ZNF778: variants seen among roughly 807,000 people sequenced by gnomAD.
ZNF778 encodes zinc finger protein 778.
ZNF778 carries 37 observed loss-of-function variants against 23.9 expected under a neutral mutation model. The observed-to-expected ratio is 1.54, with a 90% CI of 1.19 to 2.03. The LOEUF (loss-of-function observed/expected upper bound fraction) is 2.03, where lower values mean the gene tolerates loss of function less well. ZNF778 is among the 30% of genes most tolerant of loss of function. The pLI is 0.00. For synonymous variants in ZNF778, 483 were observed against 343.9 expected, an observed-to-expected ratio of 1.40 and a Z score of -4.48; for missense variants, 1,297 against 934.4, an observed-to-expected ratio of 1.39 and a Z score of -5.06.
At chr16:89,223,068 C>G (rs1045235437) in intron 3 of ZNF778, 89 bp from the exon 4 acceptor site, 3 of 1,485,010 alleles carry the variant, frequency 2.0e-6, no homozygotes, top group African/African-American at 2.8e-5. Context: ...GCCTCACAGT[C>G]CCATAGGCGT....
Position 89,224,775 on chromosome 16 carries a change from A to G in ZNF778, c.301A>G (p.Arg101Gly). Residue 101 changes from arginine to glycine, a missense_variant, in exon 5 of 7, where the codon AGG becomes GGG. Arg to Gly is a moderately radical substitution (Grantham distance 125). Coordinates refer to ENST00000433976, the MANE Select transcript of ZNF778 (RefSeq NM_001201407.2). ...TTGGCTGGAGCAGGAAGAGGAGTTGAGGGCAGGGCGGAGAGCAGTTCTCCA... is the reference window on the plus strand; with the variant it reads ...TTGGCTGGAGCAGGAAGAGGAGTTGGGGGCAGGGCGGAGAGCAGTTCTCCA... ...IYWLEQEEEL[R>G]AGRRAVLQEW... is the part of the protein sequence containing the mutation. The G allele has an allele frequency of 6.6e-7, 1 of 1,521,960 alleles. No individual in the cohort carries two copies. The highest frequency in any genetic ancestry group is 8.8e-7 in the Non-Finnish European group (1 of 1,141,730). The allele number at this position is 1,521,960 out of a possible 1,614,324, so 94.3% of individuals were successfully genotyped here.
rs983255469 is a variant in ZNF778, at chr16:89,225,742, G to C, written c.405+111G>C. The C allele has an allele frequency of 1.8e-5, 18 of 988,740 alleles. No individual in the cohort carries two copies. The African/African-American group carries it at 3.0e-4, about 16-fold the overall frequency. 61.2% of individuals were successfully genotyped at this position (988,740 alleles called of 1,614,324 possible). A position where few individuals can be genotyped will look rare whatever the true frequency, so the allele number is the denominator to read the frequency against. On this transcript the variant is annotated intron_variant, in intron 6 of 6. Transcript: ENST00000433976. The stretch of plus-strand genomic sequence containing the variant: ...AATTTAGAGAAGCAGGATTCACTCA[G>C]GCAGGGGTTGTCTGTAGAGAACACT...
In ZNF778 at chr16:89,233,807, C is replaced by CGTATGCAACTCAGCTCGCACTGT. The variant is rs1567516948; in HGVS notation, c.*5257_*5258insGCTCGCACTGTGTATGCAACTCA. On this transcript the variant is annotated 3_prime_UTR_variant, in exon 7 of 7. Coordinates refer to ENST00000433976, the MANE Select transcript of ZNF778 (RefSeq NM_001201407.2). Reference sequence around the variant, plus strand: ...TGCGTATGCAACTCAGCTCGCACTGCGTATGCAACTCAACTGTTGCAAGTA... The same window carrying CGTATGCAACTCAGCTCGCACTGT: ...TGCGTATGCAACTCAGCTCGCACTGCGTATGCAACTCAGCTCGCACTGTGTATGCAACTCAACTGTTGCAAGTA... The CGTATGCAACTCAGCTCGCACTGT allele has an allele frequency of 3.1e-6, 4 of 1,291,142 alleles. No individual in the cohort carries two copies. The highest frequency in any genetic ancestry group is 1.0e-6 in the Non-Finnish European group (1 of 990,000). 80.0% of individuals were successfully genotyped at this position (1,291,142 alleles called of 1,614,324 possible).
intron 2 of ZNF778, among the ~76,000 whole-genome samples, 173 bp from the exon 3 acceptor site, chr16:89,221,919 T>C (rs764913232): frequency 1.3e-4 from 20 of 151,930 alleles, no homozygotes; most frequent in Non-Finnish European, 5.9e-5. Context: ...TTCCTGAGTG[T>C]GCAGGTGTAT....
At chr16:89,223,476 C>T (rs1208991896) in intron 4 of ZNF778, among the ~76,000 whole-genome samples, 193 bp downstream of exon 4, 1 of 152,152 alleles carries the variant, frequency 6.6e-6, no homozygotes, top group East Asian at 1.9e-4. Context: ...ACCGTCACTC[C>T]TCTAGAAACA....
In ZNF778 at chr16:89,235,892, C is replaced by T. The variant is rs2032220367; in HGVS notation, c.*7330C>T. On this transcript the variant is annotated 3_prime_UTR_variant, in exon 7 of 7. Transcript: ENST00000433976. Reference sequence around the variant, plus strand: ...ACCAAGCCCAGGCCGGGGGCGGTGGCTCACACCTGTAATCCCAGCACTTTG... The same window carrying T: ...ACCAAGCCCAGGCCGGGGGCGGTGGTTCACACCTGTAATCCCAGCACTTTG... 1 of 151,468 alleles carries T rather than the reference C, an allele frequency of 6.6e-6. No homozygotes were observed. The highest frequency in any genetic ancestry group is 6.6e-5 in the Admixed American group (1 of 15,204). The allele number at this position is 151,468 out of a possible 1,614,324, so 9.4% of individuals were successfully genotyped here. A position where few individuals can be genotyped will look rare whatever the true frequency, so the allele number is the denominator to read the frequency against.
At chr16:89,224,690 T>G (rs1287664458) in intron 4 of ZNF778, 29 bp from the exon 5 acceptor site, 1 of 1,502,686 alleles carries the variant, frequency 6.7e-7, no homozygotes, top group South Asian at 1.2e-5. Flanking sequence ...CTGAGCCTCT[T>G]CCATCGATGT....
At position 89,228,620 on chromosome 16, in the gene ZNF778, C is replaced by G; in HGVS notation, c.*58C>G. 1 of 1,522,584 alleles carries G rather than the reference C, an allele frequency of 6.6e-7. No homozygotes were observed. The highest frequency in any genetic ancestry group is 8.8e-7 in the Non-Finnish European group (1 of 1,141,764). 94.3% of individuals were successfully genotyped at this position (1,522,584 alleles called of 1,614,324 possible). A position where few individuals can be genotyped will look rare whatever the true frequency, so the allele number is the denominator to read the frequency against. On this transcript the variant is annotated 3_prime_UTR_variant, in exon 7 of 7. Coordinates refer to ENST00000433976, the MANE Select transcript of ZNF778 (RefSeq NM_001201407.2). Reference sequence around the variant, plus strand: ...TCATTCACGTTGAAGACATGAAAGACCTCTCGTTCTCCAGATGTCCATGAC... The same window carrying G: ...TCATTCACGTTGAAGACATGAAAGAGCTCTCGTTCTCCAGATGTCCATGAC...
rs190965111 is a variant in ZNF778 at position 89,226,613 on chromosome 16, G to A, written c.406-81G>A. 213 of 1,280,086 alleles carry A rather than the reference G, an allele frequency of 1.7e-4. No individual in the cohort carries two copies. The East Asian group carries it at 3.0e-3, about 18-fold the overall frequency. The allele number at this position is 1,280,086 out of a possible 1,614,324, so 79.3% of individuals were successfully genotyped here. Reference sequence around the variant, plus strand: ...AATGGCAAAAATCGTAATCATCATCGTCATGCTCTGTCTTCAGCTGGGTGA... The same window carrying A: ...AATGGCAAAAATCGTAATCATCATCATCATGCTCTGTCTTCAGCTGGGTGA... On this transcript the variant is annotated intron_variant, in intron 6 of 6. Transcript: ENST00000433976.
chr16:89,221,138 C>G lies in ZNF778; in HGVS notation c.11C>G (p.Pro4Arg), dbSNP rs1171206220. Residue 4 changes from proline to arginine, a missense_variant, in exon 2 of 7, where the codon CCT (proline) becomes CGT (arginine). Pro to Arg is a moderately radical substitution (Grantham distance 103). Transcript: ENST00000433976. MAA[P>R]DLAHGGHVSR... ...CGTCAGCCTCCCAGGATGGCAGCCC[C>G]TGACCTGGCCCACGGTAAGTCCTGG... The G allele has an allele frequency of 4.5e-6, 7 of 1,566,890 alleles. No homozygotes were observed. The highest frequency in any genetic ancestry group is 5.2e-6 in the Non-Finnish European group (6 of 1,155,514).
chr16:89,224,570 G>T (rs969960217), intron 4 of ZNF778, 149 bp from the exon 5 acceptor site: 1 of 569,194 alleles, frequency 1.8e-6, no homozygotes, highest in Non-Finnish European at 3.2e-6. Context: ...AGTGAGCCGA[G>T]ATTGCACCAC....
In ZNF778 at chr16:89,230,131, C is replaced by T. The variant is rs117211912; in HGVS notation, c.*1569C>T. The T allele has an allele frequency of 0.015, 10,681 of 690,596 alleles. 99 individuals are homozygous for T. The highest frequency in any genetic ancestry group is 0.017 in the Non-Finnish European group (9,806 of 562,050). 42.8% of individuals were successfully genotyped at this position (690,596 alleles called of 1,614,324 possible). ...GGTCCCACACTGGCCAATGTTGGGG[C>T]ATAACACAGCTCTACATTTTATGAA... is the stretch of plus-strand genomic sequence containing the variant. On this transcript the variant is annotated 3_prime_UTR_variant, in exon 7 of 7. Transcript: ENST00000433976.
chr16:89,224,880 ATGGAAGGATTGTGTCAAGTTAAGCG>A, intron 5 of ZNF778, 78 bp downstream of exon 5: 7 of 1,047,028 alleles, frequency 6.7e-6, no homozygotes, highest in Non-Finnish European at 9.9e-6. Flanking sequence ...TTTAGCGGCT[ATGGAAGGATTGTGTCAAGTTAAGCG>A]GCTGTGGGAG....
rs565846375 is a variant in ZNF778 at position 89,229,160 on chromosome 16, C to G, written c.*598C>G. ...GTTGCTACAGTGTCCACGTCGCAGC[C>G]TGGCTAACAGTAGGCCTTGAGGACT... On this transcript the variant is annotated 3_prime_UTR_variant, in exon 7 of 7. Coordinates refer to ENST00000433976, the MANE Select transcript of ZNF778 (RefSeq NM_001201407.2). 9 of 986,024 alleles carry G rather than the reference C, an allele frequency of 9.1e-6. No individual in the cohort carries two copies. The South Asian group carries it at 3.3e-4, about 36-fold the overall frequency. 61.1% of individuals were successfully genotyped at this position (986,024 alleles called of 1,614,324 possible).
intron 5 of ZNF778, 138 bp downstream of exon 5, chr16:89,224,940 C>T: frequency 6.5e-6 from 4 of 611,404 alleles, no homozygotes; most frequent in East Asian, 3.1e-5. Flanking sequence ...AGTTTAGCGG[C>T]TGTGGAAGAA....
intron 3 of ZNF778, among the ~76,000 whole-genome samples, chr16:89,222,872 G>C (rs970962978): frequency 6.6e-5 from 10 of 151,564 alleles, no homozygotes; most frequent in African/African-American, 2.4e-4. Flanking sequence ...TCACATGTTA[G>C]AGGTGTCGTT....
intron 6 of ZNF778, 102 bp from the exon 7 acceptor site, chr16:89,226,592 G>A: frequency 1.8e-6 from 2 of 1,084,862 alleles, no homozygotes; most frequent in East Asian, 2.6e-5. Context: ...TATGAAAATG[G>A]CAAAAATCGT....
Position 89,227,384 on chromosome 16 carries a change from GA to G in ZNF778, c.1098del (p.Glu366AspfsTer15). On this transcript the variant is annotated frameshift_variant, in exon 7 of 7. Transcript: ENST00000433976. LOFTEE classifies it low-confidence loss of function (END_TRUNC). ...AACAGACCCTGGACAGAAGCCCTAT[GA>G]ATGTAAGGACTGTGGGAAAGCCTGC... is the stretch of plus-strand genomic sequence containing the variant. ...VQTDPGQKPYECKDCGKACGG... is the reference protein window; with the variant it reads ...VQTDPGQKPYXCKDCGKACGG... 1 of 1,613,984 alleles carries G rather than the reference GA, an allele frequency of 6.2e-7. No individual in the cohort carries two copies. The highest frequency in any genetic ancestry group is 8.5e-7 in the Non-Finnish European group (1 of 1,179,876).
intron 3 of ZNF778, among the ~76,000 whole-genome samples, chr16:89,222,807 C>T (rs1010428036): frequency 3.3e-5 from 5 of 152,228 alleles, no homozygotes; most frequent in South Asian, 4.1e-4. Context: ...TTGTAGTGTG[C>T]TCAGGAGAGG....
Sources: allele counts gnomAD v4.1 joint callset (sites outside exome capture counted in the v4.1 genomes callset), GRCh38; gene constraint gnomAD v4.1.1; transcripts MANE v1.5; gene names NCBI Gene and HGNC (gene_info 2026-07-23, HGNC 2026-07-21).